The following KIAA1328 variants were observed in gnomAD, a reference collection of about 807,000 sequenced individuals.
KIAA1328 encodes the protein KIAA1328.
KIAA1328 carries 52 observed loss-of-function variants against 68.1 expected under a neutral mutation model. The observed-to-expected ratio is 0.76, with a 90% CI of 0.61 to 0.96. The LOEUF is 0.96. Ranked by LOEUF, KIAA1328 falls within the 40% of genes least tolerant of loss-of-function variation. KIAA1328 has a pLI of 0.00. For missense variants in KIAA1328, 641 were observed against 677.6 expected (o/e 0.95, Z 0.60); for synonymous variants, 232 against 239.4 (o/e 0.97, Z 0.28).
intron 5 of KIAA1328, among the ~76,000 whole-genome samples, chr18:36,950,750 T>C (rs1308319062): frequency 1.3e-5 from 2 of 152,194 alleles, no homozygotes; most frequent in South Asian, 2.1e-4. Context: ...GTGAAAATAT[T>C]TGGGTTCAGT....
At chr18:37,058,629 T>C (rs890450817) in intron 6 of KIAA1328, among the ~76,000 whole-genome samples, 1 of 152,008 alleles carries the variant, frequency 6.6e-6, no homozygotes, top group Non-Finnish European at 1.5e-5. Flanking sequence ...AGAGAATTGC[T>C]TGAACCCAGG....
intron 7 of KIAA1328, among the ~76,000 whole-genome samples, chr18:37,142,942 G>GTTTTTTTTTTTTTT (rs551875920): frequency 7.1e-6 from 1 of 140,366 alleles, no homozygotes; most frequent in Non-Finnish European, 1.6e-5. Flanking sequence ...ATTTACTTTG[G>GTTTTTTTTTTTTTT]TTTTTTTTTT....
intron 9 of KIAA1328, among the ~76,000 whole-genome samples, chr18:37,212,396 C>A (rs1025706636): frequency 6.6e-6 from 1 of 152,052 alleles, no homozygotes; most frequent in African/African-American, 2.4e-5. Context: ...AGAAAGTAGT[C>A]GAATCTTGCC....
At chr18:37,202,674 A>G (rs1024121139) in intron 9 of KIAA1328, among the ~76,000 whole-genome samples, 4 of 152,188 alleles carry the variant, frequency 2.6e-5, no homozygotes, top group African/African-American at 9.7e-5. Context: ...CATCACCAAT[A>G]TGATTGATGA....
At chr18:36,950,605 TAAGTTTTA>T (rs2051119902) in intron 5 of KIAA1328, among the ~76,000 whole-genome samples, 1 of 152,084 alleles carries the variant, frequency 6.6e-6, no homozygotes, top group Non-Finnish European at 1.5e-5. Context: ...ACATAAAAAT[TAAGTTTTA>T]ATGGACAAGT....
chr18:36,940,968 A>C (rs1463479863), intron 5 of KIAA1328, among the ~76,000 whole-genome samples: 2 of 151,972 alleles, frequency 1.3e-5, no homozygotes, highest in African/African-American at 4.8e-5. Context: ...GCCACCATGC[A>C]CAGCCGAGTG....
chr18:36,952,977 A>T, intron 5 of KIAA1328, among the ~76,000 whole-genome samples: 1 of 152,054 alleles, frequency 6.6e-6, no homozygotes, highest in Non-Finnish European at 1.5e-5. Flanking sequence ...GAAACACAAA[A>T]AAAGCAAACA....
intron 7 of KIAA1328, among the ~76,000 whole-genome samples, chr18:37,098,603 A>G (rs970563779): frequency 2.0e-5 from 3 of 152,192 alleles, no homozygotes; most frequent in African/African-American, 7.2e-5. Context: ...TGAGTTAGGT[A>G]GGATTCCCTA....
At chr18:36,901,151 G>A (rs373961629) in intron 5 of KIAA1328, among the ~76,000 whole-genome samples, 14 of 151,864 alleles carry the variant, frequency 9.2e-5, no homozygotes, top group African/African-American at 3.1e-4. Context: ...TGAATATGTC[G>A]GGCCACAGTG....
intron 6 of KIAA1328, among the ~76,000 whole-genome samples, chr18:37,017,975 G>A (rs1007877677): frequency 6.6e-6 from 1 of 152,144 alleles, no homozygotes; most frequent in East Asian, 1.9e-4. Context: ...GGTTAATATT[G>A]ATATATGAGG....
chr18:37,123,351 T>G (rs892158094), intron 7 of KIAA1328, among the ~76,000 whole-genome samples: 75 of 152,028 alleles, frequency 4.9e-4, no homozygotes, highest in African/African-American at 1.7e-3. Context: ...TGATCATAAT[T>G]AGATATGTAA....
intron 7 of KIAA1328, among the ~76,000 whole-genome samples, chr18:37,143,913 T>C (rs2058837463): frequency 6.6e-6 from 1 of 152,138 alleles, no homozygotes; most frequent in Non-Finnish European, 1.5e-5. Context: ...TATTATTTTA[T>C]AATAACTTAG....
chr18:36,974,462 T>G (rs548909424), intron 6 of KIAA1328, among the ~76,000 whole-genome samples: 5 of 152,340 alleles, frequency 3.3e-5, no homozygotes, highest in Middle Eastern at 3.4e-3. Context: ...TTTATGTTAC[T>G]GCAGTAGACA....
At chr18:36,903,866 T>A (rs1213750351) in intron 5 of KIAA1328, among the ~76,000 whole-genome samples, 1 of 152,128 alleles carries the variant, frequency 6.6e-6, no homozygotes, top group Admixed American at 6.6e-5. Context: ...ACAAGCATAG[T>A]CTATGGGTTT....
At chr18:37,138,948 CTTTTTTTTTTTTTTT>C (rs869053490) in intron 7 of KIAA1328, among the ~76,000 whole-genome samples, 2 of 74,166 alleles carry the variant, frequency 2.7e-5, no homozygotes, top group Admixed American at 3.6e-4. Context: ...AAATTTTGTT[CTTTTTTTTTTTTTTT>C]TTTTTTTTTT....
intron 6 of KIAA1328, among the ~76,000 whole-genome samples, chr18:37,057,497 G>A (rs1214481408): frequency 1.3e-5 from 2 of 150,388 alleles, no homozygotes; most frequent in Admixed American, 6.7e-5. Context: ...GCGCGATCTC[G>A]GCTCACTGCA....
chr18:36,873,573 G>T (rs1461579779), intron 4 of KIAA1328, among the ~76,000 whole-genome samples: 1 of 152,100 alleles, frequency 6.6e-6, no homozygotes, highest in East Asian at 1.9e-4. Flanking sequence ...TGAATACCAG[G>T]AAACAGGGAT....
At chr18:37,119,542 AAGCTCTCC>A (rs915337224) in intron 7 of KIAA1328, among the ~76,000 whole-genome samples, 8 of 152,104 alleles carry the variant, frequency 5.3e-5, no homozygotes, top group African/African-American at 1.9e-4. Flanking sequence ...GTAAGCAAGC[AAGCTCTCC>A]AGTGTCTCTC....
chr18:36,957,802 A>T (rs2051485683), intron 5 of KIAA1328, among the ~76,000 whole-genome samples: 1 of 152,162 alleles, frequency 6.6e-6, no homozygotes, highest in Non-Finnish European at 1.5e-5. Context: ...TAATAACTTT[A>T]TTGTGTGTAA....
Sources: gnomAD v4.1 joint callset for allele counts (sites outside exome capture counted in the v4.1 genomes callset) on GRCh38, gnomAD v4.1.1 for gene constraint, MANE v1.5 for transcripts, NCBI Gene and HGNC (gene_info 2026-07-23, HGNC 2026-07-21) for gene names.